Variants in RBFOX1 observed in about 807,000 individuals in gnomAD.
The protein encoded by RBFOX1 is RNA binding fox-1 homolog 1.
A neutral mutation model predicts 57.7 loss-of-function variants in RBFOX1; 8 were observed. The observed-to-expected ratio is 0.14, with a 90% CI of 0.08 to 0.25. The LOEUF (loss-of-function observed/expected upper bound fraction) is 0.25. RBFOX1 is among the 10% of genes least tolerant of loss of function. RBFOX1 has a pLI of 1.00. For missense variants in RBFOX1, 611 were observed against 548.5 expected (o/e 1.11, Z -1.14); for synonymous variants, 326 against 222.4 (o/e 1.47, Z -4.15).
intron 5 of RBFOX1, among the ~76,000 whole-genome samples, chr16:7,548,087 T>C (rs2085128973): frequency 6.6e-6 from 1 of 152,230 alleles, no homozygotes; most frequent in South Asian, 2.1e-4. Context: ...ATTCTGTTCA[T>C]TTTCAGTGAC....
intron 3 of RBFOX1, among the ~76,000 whole-genome samples, chr16:7,041,914 T>TTA (rs1213691916): frequency 6.7e-6 from 1 of 149,238 alleles, no homozygotes; most frequent in Non-Finnish European, 1.5e-5. Context: ...AGGTACCATA[T>TTA]TATCTCTATG....
chr16:5,370,197 C>A (rs2065821700), intron 1 of RBFOX1, among the ~76,000 whole-genome samples: 3 of 152,132 alleles, frequency 2.0e-5, no homozygotes, highest in Admixed American at 2.0e-4. Context: ...CTCCTGACAC[C>A]CCACAGGCTA....
intron 6 of RBFOX1, among the ~76,000 whole-genome samples, chr16:7,583,448 T>A (rs970070561): frequency 6.6e-6 from 1 of 152,208 alleles, no homozygotes; most frequent in African/African-American, 2.4e-5. Context: ...TCTAACAAAT[T>A]AATTGCGATA....
chr16:7,093,243 C>G (rs2061158893), intron 4 of RBFOX1, among the ~76,000 whole-genome samples: 1 of 152,176 alleles, frequency 6.6e-6, no homozygotes, highest in Non-Finnish European at 1.5e-5. Flanking sequence ...CCAGCAGACT[C>G]TGATTACTGT....
At chr16:5,445,411 A>G (rs2068211999) in intron 1 of RBFOX1, among the ~76,000 whole-genome samples, 1 of 152,124 alleles carries the variant, frequency 6.6e-6, no homozygotes, top group African/African-American at 2.4e-5. Context: ...AAGGGTGGGG[A>G]TCATGTCTCT....
chr16:7,524,608 C>G (rs2078263963), intron 5 of RBFOX1, among the ~76,000 whole-genome samples: 1 of 152,218 alleles, frequency 6.6e-6, no homozygotes, highest in Non-Finnish European at 1.5e-5. Flanking sequence ...CACTTTCCCA[C>G]TAGCTCTAGG....
intron 2 of RBFOX1, among the ~76,000 whole-genome samples, chr16:5,530,515 T>C (rs2044424409): frequency 6.6e-6 from 1 of 152,204 alleles, no homozygotes; most frequent in Admixed American, 6.5e-5. Flanking sequence ...CTGTAAACAT[T>C]GGTGTTCAGT....
chr16:6,591,219 G>A (rs1331417244), intron 2 of RBFOX1, among the ~76,000 whole-genome samples: 2 of 152,188 alleles, frequency 1.3e-5, no homozygotes, highest in African/African-American at 4.8e-5. Flanking sequence ...GCCAAGGAGG[G>A]TGGATCACTT....
chr16:5,591,611 A>G (rs969111196), intron 2 of RBFOX1, among the ~76,000 whole-genome samples: 1 of 152,190 alleles, frequency 6.6e-6, no homozygotes, highest in Non-Finnish European at 1.5e-5. Context: ...TTCAGTGGAT[A>G]TACTAGAAAT....
At chr16:6,853,949 A>G (rs189052296) in intron 3 of RBFOX1, among the ~76,000 whole-genome samples, 1 of 152,270 alleles carries the variant, frequency 6.6e-6, no homozygotes, top group African/African-American at 2.4e-5. Flanking sequence ...TGTCTAGGTA[A>G]CTTTTATTTT....
chr16:5,449,089 G>A (rs1158665858), intron 1 of RBFOX1, among the ~76,000 whole-genome samples: 1 of 152,064 alleles, frequency 6.6e-6, no homozygotes, highest in African/African-American at 2.4e-5. Context: ...TGTGCATCTG[G>A]TGCACACTTC....
intron 2 of RBFOX1, among the ~76,000 whole-genome samples, chr16:5,596,295 T>C (rs1258978565): frequency 6.6e-6 from 1 of 152,234 alleles, no homozygotes. Flanking sequence ...TATTCTCTTT[T>C]CTTCCAATCA....
At chr16:5,827,494 C>T (rs2056106352) in intron 3 of RBFOX1, among the ~76,000 whole-genome samples, 1 of 151,724 alleles carries the variant, frequency 6.6e-6, no homozygotes, top group African/African-American at 2.4e-5. Flanking sequence ...CTCTATGCAC[C>T]CCGAGAACTC....
chr16:5,412,621 A>G (rs2151467111), intron 1 of RBFOX1, among the ~76,000 whole-genome samples: 1 of 152,306 alleles, frequency 6.6e-6, no homozygotes, highest in Admixed American at 6.5e-5. Context: ...GTCAGATGCG[A>G]GAACTCACAT....
At chr16:5,494,398 G>A (rs2042933840) in intron 2 of RBFOX1, among the ~76,000 whole-genome samples, 1 of 152,290 alleles carries the variant, frequency 6.6e-6, no homozygotes, top group South Asian at 2.1e-4. Flanking sequence ...ACTAAATAAG[G>A]GTGAGATGCA....
chr16:6,932,145 C>T lies in RBFOX1; in HGVS notation c.-15-119912C>T, dbSNP rs140083525. On this transcript the variant is annotated intron_variant, in intron 3 of 15. Coordinates refer to ENST00000550418, the MANE Select transcript of RBFOX1 (RefSeq NM_018723.4). ...TTTCAGATGGCATCCCATCTGTCAC[C>T]CAGCCTGGAGTGCAGTGGCATGATC... 5.0e-4 allele frequency among the ~76,000 whole-genome samples: 76 copies of T among 152,262 alleles called. No homozygotes were observed. In the East Asian group the frequency reaches 0.014, roughly 27 times the overall value.
intron 4 of RBFOX1, among the ~76,000 whole-genome samples, chr16:7,165,657 G>C (rs1002001292): frequency 1.3e-5 from 2 of 151,660 alleles, no homozygotes; most frequent in African/African-American, 4.8e-5. Context: ...TCAAACTCCC[G>C]ATCTCAGGTG....
chr16:7,266,728 G>T (rs899333798), intron 4 of RBFOX1, among the ~76,000 whole-genome samples: 11 of 152,160 alleles, frequency 7.2e-5, no homozygotes, highest in African/African-American at 2.6e-4. Context: ...AAAAAAGTAA[G>T]CAAAAAGTAA....
chr16:6,922,944 A>G (rs1427477370), intron 3 of RBFOX1, among the ~76,000 whole-genome samples: 1 of 152,146 alleles, frequency 6.6e-6, no homozygotes, highest in Non-Finnish European at 1.5e-5. Flanking sequence ...ATAATGACCA[A>G]CCAGAACATA....
Sources: gnomAD v4.1 joint callset for allele counts (sites outside exome capture counted in the v4.1 genomes callset) on GRCh38, gnomAD v4.1.1 for gene constraint, MANE v1.5 for transcripts, NCBI Gene and HGNC (gene_info 2026-07-23, HGNC 2026-07-21) for gene names.